HTR4: variants seen among roughly 807,000 people sequenced by gnomAD.
HTR4 encodes the protein 5-hydroxytryptamine receptor 4.
A neutral mutation model predicts 36.8 loss-of-function variants in HTR4; 16 were observed. The ratio of observed to expected loss-of-function variants is 0.43; its 90% CI spans 0.29 to 0.66. HTR4 has a LOEUF of 0.66. HTR4 is among the 30% of genes least tolerant of loss of function. The probability of loss-of-function intolerance (pLI) is 0.13; values close to 1 mark genes in which losing one functional copy is unlikely to be tolerated. For missense variants in HTR4, 438 were observed against 490.9 expected, an observed-to-expected ratio of 0.89 and a Z score of 1.02; for synonymous variants, 189 against 185.1, an observed-to-expected ratio of 1.02 and a Z score of -0.17.
intron 5 of HTR4, among the ~76,000 whole-genome samples, chr5:148,470,722 T>G (rs1013831330): frequency 2.0e-5 from 3 of 152,200 alleles, no homozygotes; most frequent in African/African-American, 7.2e-5. Context: ...GGAGTCTCGT[T>G]CTGCTGCCCA....
chr5:148,618,358 A>G (rs1318127871), intron 2 of HTR4, among the ~76,000 whole-genome samples: 1 of 151,754 alleles, frequency 6.6e-6, no homozygotes, highest in African/African-American at 2.4e-5. Flanking sequence ...TGTTCCATCT[A>G]CTCTTTCTGA....
In HTR4 at chr5:148,489,138, G is replaced by A. The variant is rs142743233; in HGVS notation, c.1077-5845C>T. ...CTAGGAGAAAATACCTTAAAAGTAC[G>A]TTTTAAACACAGCCAATATTTACTG... is the stretch of plus-strand genomic sequence containing the variant. On this transcript the variant is annotated intron_variant, in intron 6 of 6. Coordinates refer to ENST00000377888, the MANE Select transcript of HTR4 (RefSeq NM_000870.7). 2.5e-3 allele frequency among the ~76,000 whole-genome samples: 381 copies of A among 152,222 alleles called. 1 individual carries two copies. The highest frequency in any genetic ancestry group is 7.9e-3 in the African/African-American group (330 of 41,528).
chr5:148,535,237 T>C (rs573813521), intron 4 of HTR4, among the ~76,000 whole-genome samples: 5 of 151,908 alleles, frequency 3.3e-5, no homozygotes, highest in Admixed American at 1.3e-4. Flanking sequence ...ATTGACTGTA[T>C]TCAATCTACA....
At chr5:148,647,398 T>C (rs1339301668) in intron 1 of HTR4, among the ~76,000 whole-genome samples, 1 of 152,150 alleles carries the variant, frequency 6.6e-6, no homozygotes, top group Non-Finnish European at 1.5e-5. Flanking sequence ...CTCTACTACT[T>C]GGAAGGTGGA....
intron 5 of HTR4, among the ~76,000 whole-genome samples, chr5:148,463,075 C>T (rs1755319615): frequency 1.3e-5 from 2 of 151,130 alleles, no homozygotes; most frequent in Non-Finnish European, 3.0e-5. Flanking sequence ...GTGAGAAACT[C>T]AATTATTTCC....
intron 2 of HTR4, among the ~76,000 whole-genome samples, chr5:148,615,081 G>A (rs372112361): frequency 2.6e-5 from 4 of 151,316 alleles, no homozygotes; most frequent in African/African-American, 4.9e-5. Flanking sequence ...CACTGTTGGT[G>A]GGACTGTAAA....
chr5:148,605,250 TC>T, intron 2 of HTR4, among the ~76,000 whole-genome samples: 7 of 112,496 alleles, frequency 6.2e-5, no homozygotes, highest in Non-Finnish European at 1.2e-4. Context: ...TCTTTTCTTT[TC>T]TTTTCTTTTT....
chr5:148,454,333 AT>A (rs537417387), intron 5 of HTR4, among the ~76,000 whole-genome samples: 1 of 151,990 alleles, frequency 6.6e-6, no homozygotes, highest in African/African-American at 2.4e-5. Flanking sequence ...AGCTAAAATT[AT>A]TTTTTTTACT....
At chr5:148,653,192 T>G (rs1038961161) in intron 1 of HTR4, among the ~76,000 whole-genome samples, 3 of 152,326 alleles carry the variant, frequency 2.0e-5, no homozygotes, top group Admixed American at 6.5e-5. Flanking sequence ...ACCAGTGTCC[T>G]TCCATCAAAA....
intron 5 of HTR4, among the ~76,000 whole-genome samples, chr5:148,460,519 C>A (rs981626815): frequency 5.3e-5 from 8 of 151,886 alleles, no homozygotes; most frequent in Non-Finnish European, 1.2e-4. Context: ...AAAATGGCAA[C>A]CTGGAATTCC....
intron 2 of HTR4, 95 bp downstream of exon 2, chr5:148,636,894 A>G (rs1753560238): frequency 1.3e-6 from 1 of 754,512 alleles, no homozygotes; most frequent in East Asian, 2.6e-5. Flanking sequence ...ATCCACATCC[A>G]TTAACTTTAT....
intron 2 of HTR4, among the ~76,000 whole-genome samples, chr5:148,605,271 T>G (rs1274684690): frequency 6.8e-6 from 1 of 146,506 alleles, no homozygotes; most frequent in African/African-American, 2.5e-5. Context: ...TTTTTTTTTT[T>G]TTTTGAGATG....
intron 2 of HTR4, among the ~76,000 whole-genome samples, chr5:148,553,412 A>C (rs1423454221): frequency 6.6e-6 from 1 of 152,216 alleles, no homozygotes; most frequent in African/African-American, 2.4e-5. Context: ...GAGCCTTAAA[A>C]AATGCTGATT....
chr5:148,525,722 A>G (rs1278025718), intron 4 of HTR4, among the ~76,000 whole-genome samples: 1 of 152,178 alleles, frequency 6.6e-6, no homozygotes, highest in Admixed American at 6.5e-5. Flanking sequence ...TATTTCCAAT[A>G]AATTCTCTTT....
intron 4 of HTR4, among the ~76,000 whole-genome samples, chr5:148,538,365 C>A (rs970166924): frequency 6.6e-6 from 1 of 152,072 alleles, no homozygotes; most frequent in Non-Finnish European, 1.5e-5. Context: ...ATTGGAAGTC[C>A]TAGCCAGAGC....
intron 4 of HTR4, 110 bp from the exon 5 acceptor site, chr5:148,523,456 G>T (rs1758120587): frequency 2.6e-6 from 2 of 761,114 alleles, no homozygotes; most frequent in East Asian, 6.1e-5. Flanking sequence ...TGGAGCAAGG[G>T]ATAGAGAACA....
At chr5:148,530,500 G>C (rs1758509075) in intron 4 of HTR4, among the ~76,000 whole-genome samples, 1 of 152,204 alleles carries the variant, frequency 6.6e-6, no homozygotes, top group Non-Finnish European at 1.5e-5. Flanking sequence ...CAAGAATTAA[G>C]GTTTGGGAAC....
At chr5:148,566,635 T>G (rs1760452053) in intron 2 of HTR4, among the ~76,000 whole-genome samples, 1 of 152,130 alleles carries the variant, frequency 6.6e-6, no homozygotes, top group Non-Finnish European at 1.5e-5. Context: ...TAAAAGAAAT[T>G]TGGCATTTCG....
At chr5:148,624,696 C>T (rs1365012723) in intron 2 of HTR4, among the ~76,000 whole-genome samples, 1 of 152,136 alleles carries the variant, frequency 6.6e-6, no homozygotes, top group Non-Finnish European at 1.5e-5. Flanking sequence ...GCCTCAGATT[C>T]CAGGCTGCAA....
Sources: allele counts gnomAD v4.1 joint callset (sites outside exome capture counted in the v4.1 genomes callset), GRCh38; gene constraint gnomAD v4.1.1; transcripts MANE v1.5; gene names NCBI Gene and HGNC (gene_info 2026-07-23, HGNC 2026-07-21).